Variants in KSR2 observed in about 807,000 individuals in gnomAD.
The protein encoded by KSR2 is kinase suppressor of ras 2.
KSR2 carries 25 observed loss-of-function variants against 107.8 expected under a neutral mutation model. The observed-to-expected ratio is 0.23, with a 90% CI of 0.17 to 0.32. The LOEUF (loss-of-function observed/expected upper bound fraction) is 0.32, where lower values mean the gene tolerates loss of function less well. Among genes scored for constraint, KSR2 ranks in the 10% least tolerant of loss-of-function variants. The pLI is 1.00. For missense variants in KSR2, 887 were observed against 1,268.9 expected, an observed-to-expected ratio of 0.70 and a Z score of 4.57; for synonymous variants, 480 against 507.0, an observed-to-expected ratio of 0.95 and a Z score of 0.71.
rs1048390122 is a variant in KSR2 at position 117,454,298 on chromosome 12, T to A, written c.*12901A>T. On this transcript the variant is annotated 3_prime_UTR_variant, in exon 20 of 20. Coordinates refer to ENST00000339824, the MANE Select transcript of KSR2 (RefSeq NM_173598.6). Reference sequence around the variant, plus strand: ...TCAAGGAATACTCTGGAGGGGCTGCTGATGCTGAGAAAGTGTTGATGAAAT... The same window carrying A: ...TCAAGGAATACTCTGGAGGGGCTGCAGATGCTGAGAAAGTGTTGATGAAAT... 7 of 149,740 alleles carry A rather than the reference T, an allele frequency of 4.7e-5. No individual in the cohort carries two copies. Among genetic ancestry groups the A allele is most frequent in the Non-Finnish European group, 1.0e-4 (7 of 68,038 alleles). 9.3% of individuals were successfully genotyped at this position (149,740 alleles called of 1,614,324 possible).
At chr12:117,508,542 G>A (rs1286889827) in intron 14 of KSR2, among the ~76,000 whole-genome samples, 1 of 152,136 alleles carries the variant, frequency 6.6e-6, no homozygotes, top group African/African-American at 2.4e-5. Flanking sequence ...TTAAACAGAT[G>A]GGTGGGTAGG....
chr12:117,920,772 C>T (rs1403159946), intron 1 of KSR2, among the ~76,000 whole-genome samples: 1 of 152,074 alleles, frequency 6.6e-6, no homozygotes, highest in Non-Finnish European at 1.5e-5. Flanking sequence ...GTGTGGCTGC[C>T]CACGCTACAC....
chr12:117,905,934 T>C (rs963691480), intron 1 of KSR2, among the ~76,000 whole-genome samples: 4 of 151,666 alleles, frequency 2.6e-5, no homozygotes, highest in African/African-American at 4.8e-5. Flanking sequence ...AAAATGATTA[T>C]AGTAGTGATC....
At chr12:117,693,270 G>C (rs1355171555) in intron 4 of KSR2, among the ~76,000 whole-genome samples, 1 of 152,092 alleles carries the variant, frequency 6.6e-6, no homozygotes, top group Non-Finnish European at 1.5e-5. Flanking sequence ...AATACCAAGG[G>C]TCTGTTGGCC....
At chr12:117,468,142 T>C (rs1417139402) in intron 19 of KSR2, among the ~76,000 whole-genome samples, 2 of 152,166 alleles carry the variant, frequency 1.3e-5, no homozygotes. Context: ...TCCAATCCAT[T>C]GTAAATCCTG....
At chr12:117,529,295 AACCTCCACCTC>A (rs1399053275) in intron 12 of KSR2, among the ~76,000 whole-genome samples, 1 of 152,162 alleles carries the variant, frequency 6.6e-6, no homozygotes, top group African/African-American at 2.4e-5. Context: ...CACCTCACTG[AACCTCCACCTC>A]CTGGGTTCAA....
intron 10 of KSR2, among the ~76,000 whole-genome samples, chr12:117,535,869 G>A (rs116290169): frequency 1.6e-3 from 237 of 152,112 alleles, no homozygotes; most frequent in African/African-American, 5.5e-3. Context: ...GCAATACCAT[G>A]CTCAAAATCA....
At chr12:117,913,154 C>A (rs1036308866) in intron 1 of KSR2, among the ~76,000 whole-genome samples, 10 of 152,202 alleles carry the variant, frequency 6.6e-5, no homozygotes, top group Middle Eastern at 3.4e-3. Context: ...TGCTCCACCC[C>A]CAGGTGGCCC....
In KSR2 at chr12:117,640,096, G is replaced by A. The variant is rs187769967; in HGVS notation, c.1171+27378C>T. Among the ~76,000 whole-genome samples the A allele has an allele frequency of 2.1e-3, 305 of 146,706 alleles. 3 individuals are homozygous for A. Among genetic ancestry groups the A allele is most frequent in the Non-Finnish European group, 3.7e-3 (243 of 66,174 alleles). On this transcript the variant is annotated intron_variant, in intron 5 of 19. Transcript: ENST00000339824. Reference sequence around the variant, plus strand: ...CAGAGCCCGGCTCCTTGGTGGTATCGAATCCATTCAATATGCATTCCATCA... The same window carrying A: ...CAGAGCCCGGCTCCTTGGTGGTATCAAATCCATTCAATATGCATTCCATCA...
At chr12:117,772,742 A>C (rs1430474817) in intron 3 of KSR2, among the ~76,000 whole-genome samples, 25 of 137,046 alleles carry the variant, frequency 1.8e-4, no homozygotes, top group East Asian at 4.7e-4. Flanking sequence ...ACACCATTCC[A>C]CCAAAGACGC....
At chr12:117,635,360 C>A (rs1384901444) in intron 5 of KSR2, among the ~76,000 whole-genome samples, 1 of 152,098 alleles carries the variant, frequency 6.6e-6, no homozygotes, top group African/African-American at 2.4e-5. Context: ...GATGAATAAC[C>A]TAGAAGTTAA....
intron 5 of KSR2, among the ~76,000 whole-genome samples, chr12:117,625,251 T>C (rs7307430): frequency 0.021 from 3,207 of 152,234 alleles, 113 homozygotes; most frequent in African/African-American, 0.073. Context: ...TGAATAGAAG[T>C]GGTGAGAGAG....
rs149550851 is a variant in KSR2 at position 117,564,445 on chromosome 12, C to T, written c.1326-5872G>A. Among the ~76,000 whole-genome samples, 23 of 141,326 alleles carry T rather than the reference C, an allele frequency of 1.6e-4. No individual in the cohort carries two copies. In the East Asian group the frequency reaches 4.3e-3, roughly 26 times the overall value. 92.7% of individuals were successfully genotyped at this position (141,326 alleles called of 152,430 possible). ...ACGCTTTAGCAGGCAGGGATATGAC[C>T]CACTCTGAGCACACACAGAAAAAGC... is the stretch of plus-strand genomic sequence containing the variant. On this transcript the variant is annotated intron_variant, in intron 7 of 19. Coordinates refer to ENST00000339824, the MANE Select transcript of KSR2 (RefSeq NM_173598.6).
At chr12:117,533,851 C>A (rs1256136631) in intron 10 of KSR2, among the ~76,000 whole-genome samples, 1 of 152,164 alleles carries the variant, frequency 6.6e-6, no homozygotes, top group East Asian at 1.9e-4. Flanking sequence ...GCCTCCACAC[C>A]CGAAGCCAAC....
chr12:117,636,119 CTTTATTTGGA>C (rs1226828596), intron 5 of KSR2, among the ~76,000 whole-genome samples: 1 of 152,034 alleles, frequency 6.6e-6, no homozygotes, highest in East Asian at 1.9e-4. Context: ...AAATGCTAGA[CTTTATTTGGA>C]TTTTACTCAT....
intron 4 of KSR2, among the ~76,000 whole-genome samples, chr12:117,672,316 G>C (rs1884945404): frequency 6.6e-6 from 1 of 152,306 alleles, no homozygotes; most frequent in Admixed American, 6.5e-5. Context: ...TAATTTAGTG[G>C]TTAAACTCAT....
chr12:117,938,249 T>C (rs1895904864), intron 1 of KSR2, among the ~76,000 whole-genome samples: 1 of 152,186 alleles, frequency 6.6e-6, no homozygotes, highest in Non-Finnish European at 1.5e-5. Context: ...TGTACATCAT[T>C]ATTTCCACAC....
intron 4 of KSR2, among the ~76,000 whole-genome samples, chr12:117,712,191 C>G (rs1267937691): frequency 1.6e-4 from 24 of 152,200 alleles, no homozygotes; most frequent in Admixed American, 1.6e-3. Flanking sequence ...TGGCCTCATT[C>G]CTTATTTTCC....
intron 1 of KSR2, among the ~76,000 whole-genome samples, chr12:117,936,271 G>T (rs548544868): frequency 6.6e-6 from 1 of 151,838 alleles, no homozygotes; most frequent in African/African-American, 2.4e-5. Flanking sequence ...CAAGCGATCT[G>T]CCTGCCTTGA....
Sources: gnomAD v4.1 joint callset for allele counts (sites outside exome capture counted in the v4.1 genomes callset) on GRCh38, gnomAD v4.1.1 for gene constraint, MANE v1.5 for transcripts, NCBI Gene and HGNC (gene_info 2026-07-23, HGNC 2026-07-21) for gene names.